CD5: variants seen among roughly 807,000 people sequenced by gnomAD.
CD5 encodes the protein T-cell surface glycoprotein CD5.
CD5 carries 36 observed loss-of-function variants against 60.3 expected under a neutral mutation model. The ratio of observed to expected loss-of-function variants is 0.60; its 90% CI spans 0.46 to 0.79. The LOEUF is 0.79. Ranked by LOEUF, CD5 falls within the 30% of genes least tolerant of loss-of-function variation. The pLI is 0.00. For missense variants in CD5, 540 were observed against 630.6 expected (o/e 0.86, Z 1.54); for synonymous variants, 230 against 257.6 (o/e 0.89, Z 1.03).
Position 61,102,500 on chromosome 11 carries a change from C to A in CD5, c.-61C>A. 7.5e-7 allele frequency: 1 copy of A among 1,331,646 alleles called. No homozygotes were observed. The highest frequency in any genetic ancestry group is 1.0e-6 in the Non-Finnish European group (1 of 955,842). The allele number at this position is 1,331,646 out of a possible 1,614,324, so 82.5% of individuals were successfully genotyped here. On this transcript the variant is annotated 5_prime_UTR_variant, in exon 1 of 11. Transcript: ENST00000347785. The stretch of plus-strand genomic sequence containing the variant: ...CCCTCTCTGAGAGCGAGATACCCGG[C>A]CAGACACCCTCACCTGCGGTGCCCA...
At chr11:61,120,470 C>T (rs1861041623) in intron 5 of CD5, among the ~76,000 whole-genome samples, 1 of 152,144 alleles carries the variant, frequency 6.6e-6, no homozygotes, top group South Asian at 2.1e-4. Flanking sequence ...GGCTAAACCT[C>T]TCGCCCAGTA....
Position 61,125,835 on chromosome 11 carries a change from T to C in CD5, c.1484T>C (p.Leu495Pro). Residue 495 changes from leucine to proline, a missense_variant, in exon 10 of 11, where the codon CTG becomes CCG. Coordinates refer to ENST00000347785, the MANE Select transcript of CD5 (RefSeq NM_014207.4). Reference protein sequence around the residue: ...SDYDLHGAQRL With the variant: ...SDYDLHGAQRP ...TATGATCTGCATGGGGCTCAGAGGC[T>C]GTAAAGGTGAGCCCGTCTCCAGCCT... 6.2e-7 allele frequency: 1 copy of C among 1,605,650 alleles called. No homozygotes were observed. The highest frequency in any genetic ancestry group is 8.5e-7 in the Non-Finnish European group (1 of 1,174,646).
intron 2 of CD5, among the ~76,000 whole-genome samples, chr11:61,115,742 G>C (rs948154268): frequency 6.6e-6 from 1 of 152,188 alleles, no homozygotes; most frequent in South Asian, 2.1e-4. Flanking sequence ...GGATAACATC[G>C]TGCTGAATGT....
intron 2 of CD5, among the ~76,000 whole-genome samples, chr11:61,116,657 C>A (rs1860961699): frequency 7.2e-6 from 1 of 138,624 alleles, no homozygotes; most frequent in South Asian, 2.4e-4. Flanking sequence ...CCCACACACA[C>A]CACACACACC....
intron 5 of CD5, among the ~76,000 whole-genome samples, chr11:61,119,812 G>A (rs1391095419): frequency 2.6e-5 from 4 of 152,188 alleles, no homozygotes; most frequent in Admixed American, 6.5e-5. Context: ...CAAAGGAACC[G>A]CTGGCTCAGC....
At chr11:61,100,391 A>ACAT (rs1457392347), upstream of CD5, among the ~76,000 whole-genome samples, 1 of 148,836 alleles carries the variant, frequency 6.7e-6, no homozygotes, top group African/African-American at 2.5e-5. Context: ...TCACACACAC[A>ACAT]CATCAACATG....
Position 61,102,524 on chromosome 11 carries a change from C to T in CD5, c.-37C>T. ...GCCAGACACCCTCACCTGCGGTGCC[C>T]AGCTGCCCAGGCTGAGGCAAGAGAA... On this transcript the variant is annotated 5_prime_UTR_variant, in exon 1 of 11. Coordinates refer to ENST00000347785, the MANE Select transcript of CD5 (RefSeq NM_014207.4). The T allele has an allele frequency of 1.3e-6, 2 of 1,541,370 alleles. No individual in the cohort carries two copies. The highest frequency in any genetic ancestry group is 1.8e-6 in the Non-Finnish European group (2 of 1,135,664).
At chr11:61,105,624 G>A (rs1239168833) in intron 1 of CD5, among the ~76,000 whole-genome samples, 3 of 152,210 alleles carry the variant, frequency 2.0e-5, no homozygotes, top group African/African-American at 7.2e-5. Context: ...CCAGAGGCCT[G>A]CACAGCCGTC....
the CD5 span, among the ~76,000 whole-genome samples, chr11:61,094,220 C>T: frequency 6.6e-6 from 1 of 151,864 alleles, no homozygotes; most frequent in Non-Finnish European, 1.5e-5. Flanking sequence ...TGGAATGCCT[C>T]GTCAGAGCAG....
chr11:61,095,053 G>A, the CD5 span, among the ~76,000 whole-genome samples: 10 of 152,216 alleles, frequency 6.6e-5, no homozygotes, highest in East Asian at 1.9e-4. Flanking sequence ...GAAGGTTCTC[G>A]ATCCCACCCG....
intron 7 of CD5, 123 bp downstream of exon 7, chr11:61,123,155 AC>A: frequency 8.7e-7 from 1 of 1,154,604 alleles, no homozygotes; most frequent in Non-Finnish European, 1.2e-6. Context: ...CCTCTGCTTC[AC>A]CACCCAGCCT....
chr11:61,115,972 C>T (rs552211571), intron 2 of CD5, among the ~76,000 whole-genome samples: 67 of 152,284 alleles, frequency 4.4e-4, no homozygotes, highest in African/African-American at 1.4e-3. Flanking sequence ...GCTCGCTGGG[C>T]GGACAGCCTG....
chr11:61,098,374 A>G (rs1384105348), upstream of CD5, among the ~76,000 whole-genome samples: 1 of 152,210 alleles, frequency 6.6e-6, no homozygotes, highest in African/African-American at 2.4e-5. Context: ...CATGAGTGAG[A>G]TTCTCAAAAG....
Position 61,121,706 on chromosome 11 carries a change from T to G in CD5, c.901T>G (p.Cys301Gly). ...CCAGGGGGCTCAGTGGGCAGCCCTG[T>G]GTGACAGCTCTTCAGCCAGGAGCTC... is the stretch of plus-strand genomic sequence containing the variant. Reference protein sequence around the residue: ...VRQGAQWAALCDSSSARSSLR... With the variant: ...VRQGAQWAALGDSSSARSSLR... The change falls in exon 6 of 11, where the codon TGT (cysteine) becomes GGT (glycine). Residue 301 changes from cysteine (C) to glycine (G), a missense_variant. By Grantham distance (159) the Cys-to-Gly change is radical (BLOSUM62 -3). Coordinates refer to ENST00000347785, the MANE Select transcript of CD5 (RefSeq NM_014207.4). 2 of 1,608,192 alleles carry G rather than the reference T, an allele frequency of 1.2e-6. No homozygotes were observed. The highest frequency in any genetic ancestry group is 1.7e-6 in the Non-Finnish European group (2 of 1,176,104).
the CD5 span, among the ~76,000 whole-genome samples, chr11:61,095,952 G>C: frequency 2.6e-5 from 4 of 152,186 alleles, no homozygotes; most frequent in African/African-American, 9.7e-5. Context: ...TGGGTTTGCG[G>C]GTATGAATAC....
chr11:61,105,331 T>C (rs1223482732), intron 1 of CD5, among the ~76,000 whole-genome samples: 1 of 152,216 alleles, frequency 6.6e-6, no homozygotes, highest in African/African-American at 2.4e-5. Context: ...GGGAAAGTCA[T>C]GGACTCTGCA....
chr11:61,113,931 A>G (rs1367724868), intron 1 of CD5, among the ~76,000 whole-genome samples: 5 of 152,136 alleles, frequency 3.3e-5, no homozygotes, highest in Non-Finnish European at 5.9e-5. Flanking sequence ...CGGCCTCCCA[A>G]AGTGCTTGGA....
chr11:61,101,336 T>C, upstream of CD5, among the ~76,000 whole-genome samples: 1 of 71,528 alleles, frequency 1.4e-5, no homozygotes, highest in Non-Finnish European at 2.7e-5. Flanking sequence ...AACATGGAGA[T>C]CACATTCACA....
At position 61,102,625 on chromosome 11, in the gene CD5, C is replaced by G. The variant is rs1470694527; in HGVS notation, c.55+10C>G. 6.3e-7 allele frequency: 1 copy of G among 1,582,198 alleles called. No individual in the cohort carries two copies. Among genetic ancestry groups the G allele is most frequent in the Admixed American group, 1.8e-5 (1 of 55,878 alleles). ...CTGCTGGGGATGCTGGGTGAGTACCCCTCCCAGGTGTCCTGCGAACACCCG... is the reference window on the plus strand; with the variant it reads ...CTGCTGGGGATGCTGGGTGAGTACCGCTCCCAGGTGTCCTGCGAACACCCG... On this transcript the variant is annotated intron_variant, in intron 1 of 10. Transcript: ENST00000347785.
Sources: allele counts gnomAD v4.1 joint callset (sites outside exome capture counted in the v4.1 genomes callset), GRCh38; gene constraint gnomAD v4.1.1; transcripts MANE v1.5; gene names NCBI Gene and HGNC (gene_info 2026-07-23, HGNC 2026-07-21).